The following FTO variants were observed in gnomAD, a reference collection of about 807,000 sequenced individuals.
FTO encodes the protein FTO alpha-ketoglutarate dependent dioxygenase.
Under a neutral mutation model 63.9 loss-of-function variants are expected in FTO, and 47 were observed. The observed-to-expected ratio is 0.74, with a 90% CI of 0.58 to 0.94. The LOEUF (loss-of-function observed/expected upper bound fraction) is 0.94, where lower values mean the gene tolerates loss of function less well. Among genes scored for constraint, FTO ranks in the 40% least tolerant of loss-of-function variants. The pLI is 0.00. For synonymous variants in FTO, 207 were observed against 224.4 expected, an observed-to-expected ratio of 0.92 and a Z score of 0.69; for missense variants, 562 against 618.1, an observed-to-expected ratio of 0.91 and a Z score of 0.96.
chr16:53,997,126 A>G (rs772181806), intron 8 of FTO, among the ~76,000 whole-genome samples: 13 of 121,754 alleles, frequency 1.1e-4, no homozygotes, highest in Non-Finnish European at 2.0e-4. Flanking sequence ...AAAAAAAAGA[A>G]AGAAAGAAGG....
chr16:54,074,771 A>G (rs529087274), intron 8 of FTO, among the ~76,000 whole-genome samples: 2 of 152,288 alleles, frequency 1.3e-5, no homozygotes, highest in Admixed American at 1.3e-4. Flanking sequence ...GGATTCACAC[A>G]TTTTTAAGGC....
chr16:54,065,211 G>A (rs1183327601), intron 8 of FTO, among the ~76,000 whole-genome samples: 1 of 151,452 alleles, frequency 6.6e-6, no homozygotes, highest in Non-Finnish European at 1.5e-5. Context: ...AGTCTGGAGT[G>A]CAGTGGTGCA....
At chr16:53,923,425 A>G (rs2082055600) in intron 7 of FTO, among the ~76,000 whole-genome samples, 2 of 152,242 alleles carry the variant, frequency 1.3e-5, no homozygotes. Context: ...ATACAGAAGT[A>G]TGAATTACTT....
intron 7 of FTO, among the ~76,000 whole-genome samples, chr16:53,907,555 T>C (rs1358971291): frequency 1.3e-5 from 2 of 152,188 alleles, no homozygotes; most frequent in Non-Finnish European, 2.9e-5. Flanking sequence ...CCTAGTAAAG[T>C]TGAAAAATTG....
chr16:53,886,212 C>A (rs984729827), intron 6 of FTO, among the ~76,000 whole-genome samples: 1 of 152,150 alleles, frequency 6.6e-6, no homozygotes, highest in African/African-American at 2.4e-5. Flanking sequence ...TACTGAAATC[C>A]AGTTTCTAGT....
chr16:53,746,709 A>G (rs759996543), intron 1 of FTO, among the ~76,000 whole-genome samples: 37 of 152,300 alleles, frequency 2.4e-4, no homozygotes, highest in Non-Finnish European at 4.1e-4. Context: ...AACATTTTAA[A>G]TGAACTCTTG....
At chr16:53,923,115 A>G (rs968897424) in intron 7 of FTO, 5 of 152,232 alleles carry the variant, frequency 3.3e-5, no homozygotes, top group African/African-American at 1.2e-4. Context: ...TGATTTTGTA[A>G]ACTCCATAAA....
chr16:53,876,373 A>G (rs2080654389), intron 5 of FTO, among the ~76,000 whole-genome samples: 1 of 152,258 alleles, frequency 6.6e-6, no homozygotes, highest in Non-Finnish European at 1.5e-5. Flanking sequence ...AGCGAGGAGT[A>G]GGTAATGGCT....
chr16:53,815,131 T>C (rs1032318046), intron 2 of FTO, among the ~76,000 whole-genome samples: 6 of 151,880 alleles, frequency 4.0e-5, no homozygotes, highest in African/African-American at 1.2e-4. Context: ...CGAGAACTTA[T>C]AGTCTGTAAG....
chr16:53,879,767 A>C, intron 5 of FTO, 77 bp from the exon 6 acceptor site: 1 of 1,546,676 alleles, frequency 6.5e-7, no homozygotes, highest in Non-Finnish European at 8.9e-7. Flanking sequence ...AGGGACAAAT[A>C]TGAACAATCC....
At chr16:53,880,020 A>C (rs771178239) in intron 6 of FTO, 33 bp downstream of exon 6, 3 of 1,510,660 alleles carry the variant, frequency 2.0e-6, no homozygotes, top group Non-Finnish European at 2.7e-6. Context: ...TTTGAGATGG[A>C]GTCTCGCTCT....
intron 7 of FTO, among the ~76,000 whole-genome samples, chr16:53,902,477 C>T (rs1392772847): frequency 6.6e-6 from 1 of 152,146 alleles, no homozygotes; most frequent in African/African-American, 2.4e-5. Flanking sequence ...ATGCATTCGC[C>T]AACTTTCAAC....
chr16:54,105,905 C>A (rs867630001), intron 8 of FTO, among the ~76,000 whole-genome samples: 1 of 151,484 alleles, frequency 6.6e-6, no homozygotes, highest in Non-Finnish European at 1.5e-5. Context: ...GGAAATGTTA[C>A]CTGTCCTTTA....
intron 8 of FTO, among the ~76,000 whole-genome samples, chr16:54,048,112 T>TAAA (rs71380059): frequency 2.8e-5 from 1 of 36,306 alleles, no homozygotes; most frequent in Non-Finnish European, 4.5e-5. Flanking sequence ...TAGAGTATAA[T>TAAA]AAAAAAAAAA....
chr16:54,020,172 C>T (rs2084554826), intron 8 of FTO, among the ~76,000 whole-genome samples: 1 of 152,024 alleles, frequency 6.6e-6, no homozygotes. Flanking sequence ...TACTGTATGC[C>T]TCAGAAATTT....
intron 8 of FTO, among the ~76,000 whole-genome samples, chr16:54,028,720 A>G (rs2084768935): frequency 6.6e-6 from 1 of 152,176 alleles, no homozygotes; most frequent in Admixed American, 6.5e-5. Flanking sequence ...TGTATACACT[A>G]TATACAGTAT....
intron 8 of FTO, chr16:54,063,608 T>C (rs2085642398): frequency 6.6e-6 from 1 of 152,012 alleles, no homozygotes; most frequent in Non-Finnish European, 1.5e-5. Context: ...ACATAAGCGA[T>C]AAGAGTCAAA....
At chr16:53,895,089 A>ACCCACCCACTCTAATTC (rs1222085798) in intron 7 of FTO, among the ~76,000 whole-genome samples, 2 of 151,994 alleles carry the variant, frequency 1.3e-5, no homozygotes, top group Non-Finnish European at 2.9e-5. Context: ...TCTCCTTCCT[A>ACCCACCCACTCTAATTC]CCCACCCACT....
intron 8 of FTO, among the ~76,000 whole-genome samples, chr16:54,086,270 T>G (rs2086253046): frequency 2.0e-5 from 3 of 152,178 alleles, no homozygotes; most frequent in Admixed American, 2.0e-4. Context: ...ACAAGACCCA[T>G]GTATCCAGCC....
Sources: gnomAD v4.1 joint callset for allele counts (sites outside exome capture counted in the v4.1 genomes callset) on GRCh38, gnomAD v4.1.1 for gene constraint, MANE v1.5 for transcripts, NCBI Gene and HGNC (gene_info 2026-07-23, HGNC 2026-07-21) for gene names.